Variants in CDK13 observed in about 807,000 individuals in gnomAD.
CDK13 encodes cyclin dependent kinase 13.
Under a neutral mutation model 137.6 loss-of-function variants are expected in CDK13, and 40 were observed. That is an observed-to-expected ratio of 0.29 (90% confidence interval 0.23 to 0.38). The LOEUF (loss-of-function observed/expected upper bound fraction) is 0.38, where lower values mean the gene tolerates loss of function less well. Ranked by LOEUF, CDK13 falls within the 10% of genes least tolerant of loss-of-function variation. CDK13 has a pLI of 1.00. For synonymous variants in CDK13, 869 were observed against 760.1 expected, an observed-to-expected ratio of 1.14 and a Z score of -2.36; for missense variants, 1,704 against 1,951.8, an observed-to-expected ratio of 0.87 and a Z score of 2.39.
At chr7:39,961,546 A>G (rs1452234443) in intron 1 of CDK13, among the ~76,000 whole-genome samples, 1 of 151,408 alleles carries the variant, frequency 6.6e-6, no homozygotes, top group Non-Finnish European at 1.5e-5. Flanking sequence ...TCTACTCCCT[A>G]CTTCTATGAG....
At chr7:39,962,405 C>G (rs1469804501) in intron 1 of CDK13, among the ~76,000 whole-genome samples, 1 of 152,216 alleles carries the variant, frequency 6.6e-6, no homozygotes, top group African/African-American at 2.4e-5. Flanking sequence ...AGCATCTTTT[C>G]ATGTGTCTTT....
At chr7:40,043,116 A>G (rs756108313) in intron 5 of CDK13, among the ~76,000 whole-genome samples, 4 of 152,112 alleles carry the variant, frequency 2.6e-5, no homozygotes, top group African/African-American at 9.7e-5. Context: ...TTGTTTCCTT[A>G]GGCAGTACTT....
At chr7:39,952,470 T>C (rs532280222) in intron 1 of CDK13, 13 of 152,336 alleles carry the variant, frequency 8.5e-5, no homozygotes, top group African/African-American at 3.1e-4. Context: ...TTTAGTGATA[T>C]TCTTGTGTGG....
intron 1 of CDK13, among the ~76,000 whole-genome samples, chr7:39,978,022 A>G (rs1271261276): frequency 1.3e-5 from 2 of 152,114 alleles, no homozygotes; most frequent in African/African-American, 4.8e-5. Flanking sequence ...AGGAGGGTGG[A>G]TTTGAAGAGG....
intron 4 of CDK13, among the ~76,000 whole-genome samples, chr7:40,000,012 A>G (rs917334196): frequency 5.3e-5 from 8 of 151,974 alleles, no homozygotes; most frequent in East Asian, 1.9e-4. Context: ...CTGTGTCAGA[A>G]GCTATGTATT....
intron 1 of CDK13, among the ~76,000 whole-genome samples, chr7:39,971,725 A>T (rs1163530977): frequency 3.3e-5 from 5 of 152,102 alleles, no homozygotes; most frequent in African/African-American, 9.7e-5. Flanking sequence ...TTTACTAAAA[A>T]TACAAAAATT....
chr7:40,005,890 T>A (rs991005051), intron 5 of CDK13, among the ~76,000 whole-genome samples: 15 of 152,152 alleles, frequency 9.9e-5, no homozygotes, highest in African/African-American at 3.6e-4. Flanking sequence ...CCTGGCTAAT[T>A]TTTTAAAAAG....
At chr7:39,994,581 T>C (rs938657714) in intron 2 of CDK13, among the ~76,000 whole-genome samples, 3 of 152,182 alleles carry the variant, frequency 2.0e-5, no homozygotes, top group Non-Finnish European at 4.4e-5. Context: ...CGTAAATGGC[T>C]CTGCTGTTGA....
At chr7:40,088,098 T>A in intron 11 of CDK13, 28 bp from the exon 12 acceptor site, 2 of 1,593,168 alleles carry the variant, frequency 1.3e-6, no homozygotes, top group Non-Finnish European at 1.7e-6. Context: ...AAATGCCATT[T>A]ACAATTTAAT....
At chr7:39,993,412 A>T (rs1784504514) in intron 2 of CDK13, among the ~76,000 whole-genome samples, 1 of 152,026 alleles carries the variant, frequency 6.6e-6, no homozygotes, top group Admixed American at 6.6e-5. Flanking sequence ...TATTCTTTTG[A>T]CATGACCTCG....
intron 5 of CDK13, among the ~76,000 whole-genome samples, chr7:40,005,174 CAA>C (rs34773950): frequency 9.2e-4 from 127 of 138,634 alleles, no homozygotes; most frequent in African/African-American, 1.8e-3. Flanking sequence ...ACTCTTGTCT[CAA>C]AAAAAAAAAA....
intron 10 of CDK13, 71 bp downstream of exon 10, chr7:40,078,192 T>C: frequency 2.6e-6 from 2 of 766,084 alleles, no homozygotes; most frequent in South Asian, 1.9e-5. Context: ...TTATAAATGT[T>C]AGTCTATTCT....
chr7:39,997,927 T>C, intron 3 of CDK13: 1 of 329,592 alleles, frequency 3.0e-6, no homozygotes. Context: ...AAAGATACTT[T>C]CTGTTATTAA....
rs1038591680 is a variant in CDK13 at position 39,951,622 on chromosome 7, G to A, written c.981G>A (p.Val327=). The A allele has an allele frequency of 1.1e-5, 17 of 1,485,560 alleles. No homozygotes were observed. Among genetic ancestry groups the A allele is most frequent in the East Asian group, 2.7e-5 (1 of 37,706 alleles). 92.0% of individuals were successfully genotyped at this position (1,485,560 alleles called of 1,614,324 possible). A position where few individuals can be genotyped will look rare whatever the true frequency, so the allele number is the denominator to read the frequency against. ...SPLGGRDDSP[V]SHRASQSLRS... is the part of the protein sequence containing the mutation. ...TGGGAGGCCGGGACGACAGCCCGGT[G>A]TCCCACAGGGCCTCTCAGAGCCTGA... The change falls in exon 1 of 14, where the codon GTG becomes GTA. Residue 327 remains valine, a synonymous_variant. Transcript: ENST00000181839.
In CDK13 at chr7:40,040,846, T is replaced by C. The variant is rs371708945; in HGVS notation, c.2354-4990T>C. 2.3e-4 allele frequency among the ~76,000 whole-genome samples: 35 copies of C among 150,252 alleles called. No individual in the cohort carries two copies. The East Asian group carries it at 6.4e-3, about 27-fold the overall frequency. On this transcript the variant is annotated intron_variant, in intron 5 of 13. Coordinates refer to ENST00000181839, the MANE Select transcript of CDK13 (RefSeq NM_003718.5). Reference sequence around the variant, plus strand: ...AACTGTAATAATTTTTTTGTTGTCATTGAGTGTTTATGGCTCTCCGGAGGC... The same window carrying C: ...AACTGTAATAATTTTTTTGTTGTCACTGAGTGTTTATGGCTCTCCGGAGGC...
intron 5 of CDK13, among the ~76,000 whole-genome samples, chr7:40,010,553 A>G (rs993065277): frequency 2.0e-5 from 3 of 152,156 alleles, no homozygotes; most frequent in African/African-American, 7.2e-5. Context: ...GCATGGTGGC[A>G]TGCACCTGTA....
intron 1 of CDK13, 27 bp downstream of exon 1, chr7:39,951,879 T>C: frequency 1.5e-6 from 2 of 1,336,266 alleles, no homozygotes; most frequent in Non-Finnish European, 1.9e-6. Context: ...TGCCTGTGTG[T>C]GCCTTGGCTG....
chr7:39,957,314 G>GC (rs1408245509), intron 1 of CDK13, among the ~76,000 whole-genome samples: 1 of 85,698 alleles, frequency 1.2e-5, no homozygotes, highest in Non-Finnish European at 3.5e-5. Context: ...TTTTTCCTGT[G>GC]CCCCCACAGC....
chr7:40,038,639 A>G (rs1173351200), intron 5 of CDK13, among the ~76,000 whole-genome samples: 1 of 152,130 alleles, frequency 6.6e-6, no homozygotes, highest in Admixed American at 6.5e-5. Flanking sequence ...CTGGAGTTCT[A>G]CTTTTAGATT....
Sources: allele counts gnomAD v4.1 joint callset (sites outside exome capture counted in the v4.1 genomes callset), GRCh38; gene constraint gnomAD v4.1.1; transcripts MANE v1.5; gene names NCBI Gene and HGNC (gene_info 2026-07-23, HGNC 2026-07-21).